The following ZC3H12B variants were observed in gnomAD, a reference collection of about 807,000 sequenced individuals.
ZC3H12B encodes the protein zinc finger CCCH-type containing 12B.
ZC3H12B carries 7 observed loss-of-function variants against 43.9 expected under a neutral mutation model. The observed-to-expected ratio is 0.16, with a 90% CI of 0.09 to 0.30. The LOEUF (loss-of-function observed/expected upper bound fraction) is 0.30. Ranked by LOEUF, ZC3H12B falls within the 10% of genes least tolerant of loss-of-function variation. The pLI, the probability that ZC3H12B is intolerant of heterozygous loss-of-function variation, is 1.00. For synonymous variants in ZC3H12B, 222 were observed against 241.7 expected, an observed-to-expected ratio of 0.92 and a Z score of 0.76; for missense variants, 475 against 670.2, an observed-to-expected ratio of 0.71 and a Z score of 3.22.
At chrX:65,497,298 C>T in intron 2 of ZC3H12B, 27 bp downstream of exon 7, 2 of 1,180,162 alleles carry the variant, frequency 1.7e-6, no homozygotes, top group Non-Finnish European at 2.3e-6. Context: ...GACATTTCTT[C>T]TCATCTAGAG....
the ZC3H12B span, among the ~76,000 whole-genome samples, chrX:65,205,828 A>C: frequency 8.9e-6 from 1 of 112,086 alleles, no homozygotes. Flanking sequence ...AAGTTTCTGC[A>C]TACAAAATTA....
chrX:65,140,352 T>C, the ZC3H12B span, among the ~76,000 whole-genome samples: 3 of 111,656 alleles, frequency 2.7e-5, no homozygotes, highest in Non-Finnish European at 5.7e-5. Context: ...ATTTAGATGA[T>C]CAACTGGTTT....
upstream of ZC3H12B, among the ~76,000 whole-genome samples, chrX:65,484,881 A>C (rs1362755066): frequency 8.9e-6 from 1 of 112,224 alleles, no homozygotes; most frequent in Non-Finnish European, 1.9e-5. Flanking sequence ...TGCAAACGCA[A>C]GCTGAATAAG....
At chrX:65,302,947 C>A in the ZC3H12B span, among the ~76,000 whole-genome samples, 1 of 111,529 alleles carries the variant, frequency 9.0e-6, no homozygotes, top group African/African-American at 3.3e-5. Flanking sequence ...ATAACTGGAT[C>A]TCTGCATGCA....
chrX:65,432,273 T>A (rs773687256), intron 3 of ZC3H12B, among the ~76,000 whole-genome samples: 1 of 111,712 alleles, frequency 9.0e-6, no homozygotes, highest in South Asian at 3.8e-4. Flanking sequence ...GGTCGCATGG[T>A]AACTTGGTGA....
chrX:65,062,080 T>C, the ZC3H12B span, among the ~76,000 whole-genome samples: 4 of 112,466 alleles, frequency 3.6e-5, no homozygotes, highest in African/African-American at 1.3e-4. Context: ...GTCAGATGGA[T>C]AGATTGCAAA....
the ZC3H12B span, among the ~76,000 whole-genome samples, chrX:65,154,175 A>T: frequency 8.9e-6 from 1 of 111,743 alleles, no homozygotes; most frequent in Admixed American, 9.5e-5. Flanking sequence ...TCACATGTAT[A>T]CATATGTAAC....
At chrX:65,323,188 T>C in the ZC3H12B span, among the ~76,000 whole-genome samples, 2 of 112,418 alleles carry the variant, frequency 1.8e-5, no homozygotes, top group Admixed American at 1.9e-4. Context: ...CTGTGTTGAA[T>C]TTAAGTGGTG....
chrX:65,232,835 G>T, the ZC3H12B span, among the ~76,000 whole-genome samples: 3 of 111,145 alleles, frequency 2.7e-5, no homozygotes, highest in Non-Finnish European at 5.7e-5. Context: ...TCGACTATAT[G>T]CTGTCTAGAA....
chrX:65,279,652 T>C, the ZC3H12B span, among the ~76,000 whole-genome samples: 1 of 111,420 alleles, frequency 9.0e-6, no homozygotes, highest in Non-Finnish European at 1.9e-5. Context: ...ATCCTGGACA[T>C]AGGAACAAGC....
chrX:65,181,276 T>C, the ZC3H12B span, among the ~76,000 whole-genome samples: 1 of 112,112 alleles, frequency 8.9e-6, no homozygotes, highest in African/African-American at 3.2e-5. Context: ...AATAGTTAAA[T>C]ATAAATCCTA....
At chrX:65,108,776 A>G in the ZC3H12B span, among the ~76,000 whole-genome samples, 1 of 111,799 alleles carries the variant, frequency 8.9e-6, no homozygotes, top group Non-Finnish European at 1.9e-5. Context: ...TATGCTCTAC[A>G]TTTGTATGAC....
chrX:65,111,837 C>A, the ZC3H12B span, among the ~76,000 whole-genome samples: 1 of 110,510 alleles, frequency 9.0e-6, no homozygotes, highest in Non-Finnish European at 1.9e-5. Context: ...ACCCCCTTCC[C>A]CTCCCATTTC....
the ZC3H12B span, among the ~76,000 whole-genome samples, chrX:65,157,659 T>TA: frequency 1.3e-4 from 15 of 111,924 alleles, no homozygotes; most frequent in Non-Finnish European, 2.8e-4. Context: ...AACTGTCTTT[T>TA]ACCTGGATAA....
At chrX:65,459,714 A>C (rs1207547294) in intron 3 of ZC3H12B, among the ~76,000 whole-genome samples, 1 of 111,550 alleles carries the variant, frequency 9.0e-6, no homozygotes, top group Non-Finnish European at 1.9e-5. Context: ...ATCTCAAAAT[A>C]ATAAGAGCTA....
chrX:65,411,299 G>C (rs1452427363), intron 3 of ZC3H12B, among the ~76,000 whole-genome samples: 2 of 112,222 alleles, frequency 1.8e-5, no homozygotes, highest in Non-Finnish European at 3.8e-5. Context: ...GCTTACCAGA[G>C]GCTAAGAGGA....
In ZC3H12B at chrX:65,383,284, T is replaced by A. The variant is rs189489259; in HGVS notation, n.295+14286T>A. On this transcript the variant is annotated intron_variant and non_coding_transcript_variant, in intron 2 of 5. Transcript: ENST00000617377. ...AGATCAATGGAACAGAACAGAGACA[T>A]CAGAATTAATGCCGCATATCTACAA... Among the ~76,000 whole-genome samples the A allele has an allele frequency of 7.0e-4, 78 of 111,474 alleles. 1 individual carries two copies. The East Asian group carries it at 0.022, about 31-fold the overall frequency.
At chrX:65,123,358 G>A in the ZC3H12B span, among the ~76,000 whole-genome samples, 1 of 111,493 alleles carries the variant, frequency 9.0e-6, no homozygotes, top group Non-Finnish European at 1.9e-5. Context: ...TTACATCAAT[G>A]TTCATCAAGG....
At chrX:65,338,207 T>C in the ZC3H12B span, among the ~76,000 whole-genome samples, 1 of 111,339 alleles carries the variant, frequency 9.0e-6, no homozygotes, top group Non-Finnish European at 1.9e-5. Flanking sequence ...CATAAGGCTC[T>C]CTCATAAGGG....
Sources: gnomAD v4.1 joint callset for allele counts (sites outside exome capture counted in the v4.1 genomes callset) on GRCh38, gnomAD v4.1.1 for gene constraint, MANE v1.5 for transcripts, NCBI Gene and HGNC (gene_info 2026-07-23, HGNC 2026-07-21) for gene names.